LSS: variants seen among roughly 807,000 people sequenced by gnomAD.
The protein encoded by LSS is 2,3-epoxysqualene-lanosterol cyclase.
A neutral mutation model predicts 110.3 loss-of-function variants in LSS; 90 were observed. The observed-to-expected ratio is 0.82, with a 90% CI of 0.69 to 0.97. The LOEUF is 0.97. Among genes scored for constraint, LSS ranks in the 50% least tolerant of loss-of-function variants. The pLI, the probability that LSS is intolerant of heterozygous loss-of-function variation, is 0.00. For missense variants in LSS, 927 were observed against 990.0 expected, an observed-to-expected ratio of 0.94 and a Z score of 0.85; for synonymous variants, 433 against 400.0, an observed-to-expected ratio of 1.08 and a Z score of -0.98.
intron 19 of LSS, among the ~76,000 whole-genome samples, chr21:46,194,894 C>T (rs2079887415): frequency 6.6e-6 from 1 of 152,244 alleles, no homozygotes; most frequent in Admixed American, 6.5e-5. Context: ...CATGCGAGTA[C>T]CGAGGATGGC....
At chr21:46,193,969 T>G (rs529322342) in intron 20 of LSS, among the ~76,000 whole-genome samples, 1 of 152,280 alleles carries the variant, frequency 6.6e-6, no homozygotes, top group Non-Finnish European at 1.5e-5. Flanking sequence ...TGTGTGGGCA[T>G]GCGTACGTGT....
In LSS at chr21:46,191,197, G is replaced by A. The variant is rs766487205; in HGVS notation, c.2106C>T (p.Ile702=). ...AGATGTTCCTGTAGCTCGTGTAGGA[G>A]ATGGCACAGGACTTGTTGAAGACCC... is the stretch of plus-strand genomic sequence containing the variant. The part of the protein sequence containing the change: ...IAGVFNKSCA[I]SYTSYRNIFP... Residue 702 remains isoleucine, a synonymous_variant, in exon 22 of 22, where the codon ATC becomes ATT. Coordinates refer to ENST00000397728, the MANE Select transcript of LSS (RefSeq NM_002340.6). The A allele has an allele frequency of 1.4e-5, 22 of 1,613,676 alleles. No homozygotes were observed. The East Asian group carries it at 4.9e-4, about 36-fold the overall frequency.
Position 46,202,404 on chromosome 21 carries a change from AAAAT to A in LSS, c.1670+3428_1670+3431del, listed in dbSNP as rs1199916179. On this transcript the variant is annotated intron_variant, in intron 17 of 21. Coordinates refer to ENST00000397728, the MANE Select transcript of LSS (RefSeq NM_002340.6). The stretch of plus-strand genomic sequence containing the variant: ...GCGAGACTCCGTCTCAAAAAAAAAA[AAAAT>A]AAATAAAATAAAATCTTAATATAAA... Among the ~76,000 whole-genome samples, 267 of 150,186 alleles carry A rather than the reference AAAAT, an allele frequency of 1.8e-3. 1 individual carries two copies. The Middle Eastern group carries it at 0.02, about 11-fold the overall frequency.
chr21:46,198,267 T>TAA (rs34529498), intron 17 of LSS, among the ~76,000 whole-genome samples: 42 of 143,720 alleles, frequency 2.9e-4, no homozygotes, highest in African/African-American at 8.5e-4. Context: ...CTGCGTCCCT[T>TAA]AAAAAAAAAA....
intron 11 of LSS, among the ~76,000 whole-genome samples, chr21:46,211,169 C>G (rs184023301): frequency 6.6e-6 from 1 of 152,196 alleles, no homozygotes; most frequent in Non-Finnish European, 1.5e-5. Context: ...CTCTGTTGCC[C>G]AGGCTGGAGT....
intron 12 of LSS, among the ~76,000 whole-genome samples, chr21:46,210,321 C>T (rs2080113022): frequency 6.6e-6 from 1 of 152,074 alleles, no homozygotes; most frequent in African/African-American, 2.4e-5. Flanking sequence ...CCTCCTCGGC[C>T]TCCCAAAGTG....
chr21:46,209,079 C>G lies in LSS; in HGVS notation c.1266+475G>C, dbSNP rs367872894. On this transcript the variant is annotated intron_variant, in intron 13 of 21. Transcript: ENST00000397728. The surrounding 1 kb of genome is among the most constrained non-coding windows in gnomAD (Gnocchi z 4.4). ...GGGGTGCAGGCACGTGTGAGAGACA[C>G]TGAGGTCAAACTATGGGCTCGGGCA... Among the ~76,000 whole-genome samples the G allele has an allele frequency of 3.9e-5, 6 of 152,262 alleles. No individual in the cohort carries two copies. In the South Asian group the frequency reaches 1.2e-3, roughly 32 times the overall value.
At chr21:46,220,657 A>G (rs6518278) in intron 5 of LSS, among the ~76,000 whole-genome samples, 109,296 of 152,196 alleles carry the variant, frequency 0.72, 40,163 homozygotes, top group African/African-American at 0.89. Flanking sequence ...GCCACAACAT[A>G]AACTAGGTTT....
chr21:46,208,633 T>G (rs2080086635), intron 13 of LSS, among the ~76,000 whole-genome samples: 1 of 152,200 alleles, frequency 6.6e-6, no homozygotes, highest in Admixed American at 6.5e-5. Context: ...GTGTGCTCTG[T>G]GCCAGGCGCC....
At chr21:46,226,691 G>A (rs966380719) in intron 3 of LSS, among the ~76,000 whole-genome samples, 5 of 152,170 alleles carry the variant, frequency 3.3e-5, no homozygotes, top group African/African-American at 1.2e-4. Context: ...TGTTTTTAAC[G>A]TTAAAGGCCA....
intron 20 of LSS, chr21:46,192,253 C>G: frequency 2.0e-6 from 1 of 501,886 alleles, no homozygotes. Flanking sequence ...TTGTTCCCAA[C>G]TGGCCCACTG....
Position 46,203,068 on chromosome 21 carries a change from T to A in LSS, c.1670+2768A>T, listed in dbSNP as rs947290374. ...CCCACCACTCTGTGAGGCTGTACTGTTGCCCACTCAGGCAGGGAGAGAGAT... is the reference window on the plus strand; with the variant it reads ...CCCACCACTCTGTGAGGCTGTACTGATGCCCACTCAGGCAGGGAGAGAGAT... On this transcript the variant is annotated intron_variant, in intron 17 of 21. Transcript: ENST00000397728. 3.9e-5 allele frequency among the ~76,000 whole-genome samples: 6 copies of A among 152,290 alleles called. No homozygotes were observed. The South Asian group carries it at 1.2e-3, about 32-fold the overall frequency.
At chr21:46,194,291 A>G (rs1055772756) in intron 20 of LSS, among the ~76,000 whole-genome samples, 200 bp downstream of exon 20, 1 of 152,158 alleles carries the variant, frequency 6.6e-6, no homozygotes, top group Non-Finnish European at 1.5e-5. Flanking sequence ...GCAGGGCCCC[A>G]CTTGGTCAGA....
At chr21:46,205,305 G>C (rs997876005) in intron 17 of LSS, among the ~76,000 whole-genome samples, 11 of 152,132 alleles carry the variant, frequency 7.2e-5, no homozygotes, top group Non-Finnish European at 1.5e-4. Context: ...GAGAGCAGGA[G>C]AGCAGGAGAA....
intron 11 of LSS, among the ~76,000 whole-genome samples, chr21:46,211,001 T>G (rs2080122628): frequency 6.6e-6 from 1 of 152,174 alleles, no homozygotes; most frequent in African/African-American, 2.4e-5. Context: ...CAGGACAGTG[T>G]CCCTCTGAGG....
At position 46,192,281 on chromosome 21, in the gene LSS, G is replaced by A. The variant is rs1601408055; in HGVS notation, c.1989-322C>T. ...GCCCACTGGTCCTCATGGGCCTCTGGAGACCCACAGGAGCTCACACTTGCT... is the reference window on the plus strand; with the variant it reads ...GCCCACTGGTCCTCATGGGCCTCTGAAGACCCACAGGAGCTCACACTTGCT... On this transcript the variant is annotated intron_variant, in intron 20 of 21. Coordinates refer to ENST00000397728, the MANE Select transcript of LSS (RefSeq NM_002340.6). The A allele has an allele frequency of 3.2e-5, 15 of 465,786 alleles. No homozygotes were observed. In the East Asian group the frequency reaches 6.1e-4, roughly 19 times the overall value. 28.9% of individuals were successfully genotyped at this position (465,786 alleles called of 1,614,324 possible).
chr21:46,191,276 T>A (rs2079811357), intron 21 of LSS, 41 bp from the exon 22 acceptor site: 1 of 1,611,796 alleles, frequency 6.2e-7, no homozygotes, highest in South Asian at 1.1e-5. Context: ...GCTTCACCAG[T>A]CAGCTGAGGG....
At chr21:46,227,452 A>T (rs765954605) in intron 3 of LSS, 100 bp downstream of exon 3, 186 of 1,461,876 alleles carry the variant, frequency 1.3e-4, no homozygotes, top group Non-Finnish European at 1.6e-4. Context: ...GAGCCCCTGG[A>T]TTTTCACCTG....
At position 46,216,613 on chromosome 21, in the gene LSS, G is replaced by A. The variant is rs556647429; in HGVS notation, c.648-89C>T. 1.1e-5 allele frequency: 15 copies of A among 1,416,280 alleles called. No individual in the cohort carries two copies. The highest frequency in any genetic ancestry group is 4.4e-5 in the South Asian group (3 of 68,178). The allele number at this position is 1,416,280 out of a possible 1,614,324, so 87.7% of individuals were successfully genotyped here. On this transcript the variant is annotated intron_variant, in intron 6 of 21. Transcript: ENST00000397728. The surrounding 1 kb of genome is among the most constrained non-coding windows in gnomAD (Gnocchi z 4.2). ...CCATACCTTGGGCCCTTTCAAGCAC[G>A]AACACTGGTGGATGGCTATTCCCCA... is the stretch of plus-strand genomic sequence containing the variant.
Sources: gnomAD v4.1 joint callset for allele counts (sites outside exome capture counted in the v4.1 genomes callset) on GRCh38, gnomAD v4.1.1 for gene constraint, Gnocchi (gnomAD v3.1) non-coding constraint, MANE v1.5 for transcripts, NCBI Gene and HGNC (gene_info 2026-07-23, HGNC 2026-07-21) for gene names.